Variants in GRXCR1 observed in about 807,000 individuals in gnomAD.
GRXCR1 encodes the protein glutaredoxin and cysteine rich domain containing 1.
GRXCR1 carries 27 observed loss-of-function variants against 27.3 expected under a neutral mutation model. The observed-to-expected ratio is 0.99, with a 90% CI of 0.73 to 1.37. GRXCR1 has a LOEUF of 1.37. Ranked by LOEUF, GRXCR1 falls within the 40% of genes most tolerant of loss-of-function variation. The pLI, the probability that GRXCR1 is intolerant of heterozygous loss-of-function variation, is 0.00. For missense variants in GRXCR1, 379 were observed against 354.4 expected (o/e 1.07, Z -0.56); for synonymous variants, 122 against 131.1 (o/e 0.93, Z 0.47).
At chr4:42,937,341 TG>T in intron 1 of GRXCR1, among the ~76,000 whole-genome samples, 1 of 138,302 alleles carries the variant, frequency 7.2e-6, no homozygotes, top group African/African-American at 2.9e-5. Context: ...GCTCACCTTG[TG>T]TTTTTTTTCT....
intron 2 of GRXCR1, among the ~76,000 whole-genome samples, chr4:42,988,456 C>CA (rs1457247068): frequency 6.6e-6 from 1 of 152,062 alleles, no homozygotes; most frequent in East Asian, 1.9e-4. Context: ...AAATTATTCA[C>CA]AAAAAATAAC....
At chr4:43,019,156 A>T (rs1385969745) in intron 2 of GRXCR1, among the ~76,000 whole-genome samples, 2 of 152,182 alleles carry the variant, frequency 1.3e-5, no homozygotes, top group Non-Finnish European at 1.5e-5. Context: ...AACCTCAGAA[A>T]GCCTTCTCTA....
Position 42,993,048 on chromosome 4 carries a change from T to A in GRXCR1, c.628-27306T>A, listed in dbSNP as rs972865099. Among the ~76,000 whole-genome samples, 5 of 152,244 alleles carry A rather than the reference T, an allele frequency of 3.3e-5. No homozygotes were observed. In the East Asian group the frequency reaches 7.7e-4, roughly 24 times the overall value. Reference sequence around the variant, plus strand: ...TCAGATCTGAAATGGCAAATGCTGCTTTAATAAGTGGTGGGATTTCTCCCT... The same window carrying A: ...TCAGATCTGAAATGGCAAATGCTGCATTAATAAGTGGTGGGATTTCTCCCT... On this transcript the variant is annotated intron_variant, in intron 2 of 3. Transcript: ENST00000399770.
At chr4:42,981,977 T>A (rs146278391) in intron 2 of GRXCR1, among the ~76,000 whole-genome samples, 1 of 152,164 alleles carries the variant, frequency 6.6e-6, no homozygotes, top group Admixed American at 6.6e-5. Context: ...GATATTTATA[T>A]CTTTCTTCAT....
At chr4:43,017,069 C>A (rs932921844) in intron 2 of GRXCR1, among the ~76,000 whole-genome samples, 11 of 152,156 alleles carry the variant, frequency 7.2e-5, no homozygotes, top group Admixed American at 7.2e-4. Context: ...GAGATAGATT[C>A]TTTCCTGGCA....
At chr4:42,938,608 A>G (rs990927560) in intron 1 of GRXCR1, among the ~76,000 whole-genome samples, 2 of 151,896 alleles carry the variant, frequency 1.3e-5, no homozygotes, top group African/African-American at 4.8e-5. Context: ...GATTTTCCCC[A>G]TATATTCTTG....
At chr4:42,981,794 C>T (rs372899995) in intron 2 of GRXCR1, among the ~76,000 whole-genome samples, 40 of 152,154 alleles carry the variant, frequency 2.6e-4, no homozygotes, top group African/African-American at 9.4e-4. Context: ...AGGAAATCTG[C>T]TGCTAGCCAT....
intron 1 of GRXCR1, among the ~76,000 whole-genome samples, chr4:42,932,611 TATATATATAG>T (rs1487948450): frequency 7.5e-4 from 34 of 45,632 alleles, no homozygotes; most frequent in South Asian, 1.0e-3. Context: ...TATATATATA[TATATATATAG>T]AGAGAGAGAG....
intron 2 of GRXCR1, among the ~76,000 whole-genome samples, chr4:42,990,779 T>G (rs1242963276): frequency 6.6e-6 from 1 of 152,150 alleles, no homozygotes; most frequent in Non-Finnish European, 1.5e-5. Flanking sequence ...ATATGATAAT[T>G]TTTGTAAAAT....
At chr4:42,916,362 A>T (rs1349895519) in intron 1 of GRXCR1, among the ~76,000 whole-genome samples, 1 of 152,138 alleles carries the variant, frequency 6.6e-6, no homozygotes, top group Non-Finnish European at 1.5e-5. Context: ...GTAAGTTATA[A>T]ACACCAGGTA....
chr4:42,895,755 T>G (rs560103383), intron 1 of GRXCR1, among the ~76,000 whole-genome samples: 1 of 152,248 alleles, frequency 6.6e-6, no homozygotes, highest in South Asian at 2.1e-4. Flanking sequence ...ATGTACATCT[T>G]AGGCATATGT....
chr4:42,957,602 G>T (rs534211327), intron 1 of GRXCR1, among the ~76,000 whole-genome samples: 2 of 151,818 alleles, frequency 1.3e-5, no homozygotes, highest in East Asian at 3.9e-4. Context: ...CTATAGGTGT[G>T]CTTCATTATT....
intron 1 of GRXCR1, among the ~76,000 whole-genome samples, chr4:42,939,491 A>C (rs1168581543): frequency 1.3e-5 from 2 of 151,866 alleles, no homozygotes; most frequent in Non-Finnish European, 2.9e-5. Flanking sequence ...GATGAATTTT[A>C]TTTCTTTCTC....
chr4:42,915,281 GC>G (rs1746860950), intron 1 of GRXCR1, among the ~76,000 whole-genome samples: 1 of 152,226 alleles, frequency 6.6e-6, no homozygotes, highest in South Asian at 2.1e-4. Context: ...ACGATGCAAG[GC>G]CATGAAAATC....
chr4:42,953,667 A>G (rs960810464), intron 1 of GRXCR1, among the ~76,000 whole-genome samples: 4 of 152,060 alleles, frequency 2.6e-5, no homozygotes, highest in African/African-American at 9.7e-5. Context: ...TCAATAAGAG[A>G]TTGTTTTTTT....
At chr4:42,901,647 G>A (rs980719804) in intron 1 of GRXCR1, among the ~76,000 whole-genome samples, 1 of 152,180 alleles carries the variant, frequency 6.6e-6, no homozygotes, top group Non-Finnish European at 1.5e-5. Context: ...TTCATAGATT[G>A]TAGAGATTAG....
intron 1 of GRXCR1, among the ~76,000 whole-genome samples, chr4:42,948,022 A>AT (rs1560660656): frequency 6.6e-6 from 1 of 152,232 alleles, no homozygotes; most frequent in Middle Eastern, 3.4e-3. Context: ...GGAAGGCAAC[A>AT]TTTTTTTGCT....
chr4:43,024,728 C>T (rs1356705641), intron 3 of GRXCR1, among the ~76,000 whole-genome samples: 1 of 152,044 alleles, frequency 6.6e-6, no homozygotes, highest in Non-Finnish European at 1.5e-5. Flanking sequence ...TTTTTAGCAG[C>T]TTGGTCAGGC....
intron 1 of GRXCR1, among the ~76,000 whole-genome samples, chr4:42,941,303 A>G (rs1322074669): frequency 1.3e-5 from 2 of 152,048 alleles, no homozygotes; most frequent in East Asian, 1.9e-4. Context: ...AGACTAATGC[A>G]TAGTTAAAAC....
Sources: allele counts gnomAD v4.1 joint callset (sites outside exome capture counted in the v4.1 genomes callset), GRCh38; gene constraint gnomAD v4.1.1; transcripts MANE v1.5; gene names NCBI Gene and HGNC (gene_info 2026-07-23, HGNC 2026-07-21).